Variants in MBP observed in about 807,000 individuals in gnomAD.
MBP encodes the protein myelin basic protein, also known as Golli-MBP.
In MBP, 16 loss-of-function variants were observed where a neutral mutation model predicts 35.8. The ratio of observed to expected loss-of-function variants is 0.45; its 90% CI spans 0.30 to 0.68. The LOEUF is 0.68. Among genes scored for constraint, MBP ranks in the 30% least tolerant of loss-of-function variants. The pLI is 0.08. For missense variants in MBP, 380 were observed against 404.7 expected, an observed-to-expected ratio of 0.94 and a Z score of 0.52; for synonymous variants, 143 against 159.6, an observed-to-expected ratio of 0.90 and a Z score of 0.78.
In MBP at chr18:77,066,356, T is replaced by C. The variant is rs145300198; in HGVS notation, c.81A>G (p.Glu27=). The change falls in exon 3 of 9, where the codon GAA becomes GAG. Residue 27 remains glutamate (E), a synonymous_variant. Coordinates refer to ENST00000355994, the MANE Select transcript of MBP (RefSeq NM_001025101.2). ...AAAGTTCACCCAGGTTTCTCTTTTT[T>C]TCAGATTCTCCTCTGTTAGTTTCAC... The part of the protein sequence containing the change: ...TNSETNRGES[E]KKRNLGELSR... 4.3e-5 allele frequency: 69 copies of C among 1,613,618 alleles called. No homozygotes were observed. Among genetic ancestry groups the C allele is most frequent in the Non-Finnish European group, 5.3e-5 (62 of 1,179,618 alleles).
At chr18:77,124,446 C>G (rs577623810) in intron 1 of MBP, among the ~76,000 whole-genome samples, 19 of 150,418 alleles carry the variant, frequency 1.3e-4, no homozygotes, top group East Asian at 3.9e-4. Context: ...TCCCACCCCC[C>G]ACCCCGTGCT....
intron 4 of MBP, among the ~76,000 whole-genome samples, chr18:76,993,458 G>T (rs1409899200): frequency 6.6e-6 from 1 of 150,740 alleles, no homozygotes; most frequent in African/African-American, 2.4e-5. Flanking sequence ...GCTGAGGCAG[G>T]AGAATTGCTT....
At chr18:77,062,558 C>T (rs1244128587) in intron 3 of MBP, among the ~76,000 whole-genome samples, 2 of 150,710 alleles carry the variant, frequency 1.3e-5, no homozygotes, top group African/African-American at 2.4e-5. Context: ...TGTGCTCTAA[C>T]GAGTTATTTA....
intron 1 of MBP, among the ~76,000 whole-genome samples, chr18:77,128,684 A>C (rs1047171545): frequency 2.6e-5 from 4 of 152,218 alleles, no homozygotes; most frequent in African/African-American, 9.7e-5. Flanking sequence ...TGTTGGGAGA[A>C]ACTGGTGAAG....
intron 2 of MBP, among the ~76,000 whole-genome samples, chr18:77,086,326 C>T (rs929144119): frequency 2.0e-5 from 3 of 152,206 alleles, no homozygotes; most frequent in Non-Finnish European, 2.9e-5. Flanking sequence ...TTCATGCATA[C>T]AAGTGCGAAT....
chr18:77,106,510 C>A (rs113677220), intron 1 of MBP, among the ~76,000 whole-genome samples: 13 of 152,074 alleles, frequency 8.5e-5, no homozygotes, highest in Non-Finnish European at 1.6e-4. Flanking sequence ...GACTAGCAGC[C>A]GACCACAGAC....
chr18:77,110,996 C>G (rs1189254327), intron 1 of MBP, among the ~76,000 whole-genome samples: 1 of 152,078 alleles, frequency 6.6e-6, no homozygotes, highest in Non-Finnish European at 1.5e-5. Context: ...TTGGAGTCTT[C>G]GCGGTGTACG....
chr18:77,052,085 C>T (rs1369055771), intron 3 of MBP, among the ~76,000 whole-genome samples: 6 of 152,164 alleles, frequency 3.9e-5, no homozygotes, highest in Non-Finnish European at 7.3e-5. Context: ...GCAAGCTGCC[C>T]TCCCGAGACT....
At chr18:77,128,913 G>A (rs1447059330) in intron 1 of MBP, among the ~76,000 whole-genome samples, 3 of 152,058 alleles carry the variant, frequency 2.0e-5, no homozygotes, top group Admixed American at 6.5e-5. Context: ...ACTCATGTGA[G>A]GTCTAAGTTT....
At position 77,132,648 on chromosome 18, in the gene MBP, G is replaced by A. The variant is rs1179030412; in HGVS notation, c.-94C>T. The stretch of plus-strand genomic sequence containing the variant: ...TCCAAGGCCCTGCTCCGCCTGCCCA[G>A]GCCCGGGCAGGCTGGTCTCGGCTTC... On this transcript the variant is annotated 5_prime_UTR_variant, in exon 1 of 9. Transcript: ENST00000355994. The A allele has an allele frequency of 1.2e-4, 18 of 152,280 alleles. No homozygotes were observed. Among genetic ancestry groups the A allele is most frequent in the African/African-American group, 4.3e-4 (18 of 41,558 alleles). 9.4% of individuals were successfully genotyped at this position (152,280 alleles called of 1,614,324 possible). A position where few individuals can be genotyped will look rare whatever the true frequency, so the allele number is the denominator to read the frequency against.
chr18:77,084,794 A>G (rs1309629164), intron 2 of MBP, among the ~76,000 whole-genome samples: 2 of 152,232 alleles, frequency 1.3e-5, no homozygotes, highest in African/African-American at 2.4e-5. Flanking sequence ...CCAAGCAAAC[A>G]TTAACCAGTG....
chr18:77,022,872 C>T (rs144044461), intron 3 of MBP, among the ~76,000 whole-genome samples: 1 of 152,238 alleles, frequency 6.6e-6, no homozygotes, highest in East Asian at 1.9e-4. Context: ...TTGGTAGGGG[C>T]GAGTGCAGTT....
chr18:77,012,381 G>A (rs921994247), intron 4 of MBP, among the ~76,000 whole-genome samples: 3 of 152,310 alleles, frequency 2.0e-5, no homozygotes, highest in Admixed American at 1.3e-4. Context: ...TCTGCTCAGC[G>A]TCCACCCTCC....
In MBP at chr18:77,123,541, T is replaced by A. The variant is rs146992115; in HGVS notation, c.-26+9039A>T. Among the ~76,000 whole-genome samples the A allele has an allele frequency of 2.1e-3, 319 of 152,324 alleles. 1 individual carries two copies. Among genetic ancestry groups the A allele is most frequent in the African/African-American group, 7.2e-3 (298 of 41,570 alleles). On this transcript the variant is annotated intron_variant, in intron 1 of 8. Transcript: ENST00000355994. ...CTCACGGTCTGTTTCCTTCCTTCAC[T>A]TACAGCAGCAATCCTAAGTTAACCC...
At chr18:77,124,524 C>CCTTGG in intron 1 of MBP, among the ~76,000 whole-genome samples, 1 of 152,174 alleles carries the variant, frequency 6.6e-6, no homozygotes, top group Non-Finnish European at 1.5e-5. Flanking sequence ...AGCTGCACCC[C>CCTTGG]CGGAAGTGGG....
At chr18:77,036,954 G>A (rs1267264581) in intron 3 of MBP, among the ~76,000 whole-genome samples, 182 of 17,966 alleles carry the variant, frequency 0.01, 29 homozygotes, top group Admixed American at 0.012. Context: ...GTCACATTTT[G>A]GAGACTGAGC....
chr18:77,016,525 C>T, intron 4 of MBP: 1 of 1,234,006 alleles, frequency 8.1e-7, no homozygotes, highest in Non-Finnish European at 1.0e-6. Flanking sequence ...GAGAATGTGG[C>T]TCTCTTTCTG....
In MBP at chr18:77,094,518, C is replaced by CT. The variant is rs1975678577; in HGVS notation, c.51+10692dup. ...CACGTTAAATGACGACTGTAGGACT[C>CT]TCCCACGTTGAGGTGAGCACAGGAG... On this transcript the variant is annotated intron_variant, in intron 2 of 8. Transcript: ENST00000355994. Among the ~76,000 whole-genome samples, 3 of 152,356 alleles carry CT rather than the reference C, an allele frequency of 2.0e-5. No homozygotes were observed. In the South Asian group the frequency reaches 6.2e-4, roughly 32 times the overall value.
At chr18:77,068,381 G>T (rs1369657450) in intron 2 of MBP, among the ~76,000 whole-genome samples, 1 of 151,326 alleles carries the variant, frequency 6.6e-6, no homozygotes, top group Non-Finnish European at 1.5e-5. Context: ...TTCCAAGCAG[G>T]CCAGGTTTAG....
Sources: gnomAD v4.1 joint callset for allele counts (sites outside exome capture counted in the v4.1 genomes callset) on GRCh38, gnomAD v4.1.1 for gene constraint, MANE v1.5 for transcripts, NCBI Gene and HGNC (gene_info 2026-07-23, HGNC 2026-07-21) for gene names.